BRSK1: variants seen among roughly 807,000 people sequenced by gnomAD.
BRSK1 encodes serine/threonine-protein kinase BRSK1.
In BRSK1, 17 loss-of-function variants were observed where a neutral mutation model predicts 86.2. The ratio of observed to expected loss-of-function variants is 0.20; its 90% CI spans 0.14 to 0.30. BRSK1 has a LOEUF of 0.30. BRSK1 is among the 10% of genes least tolerant of loss of function. The probability of loss-of-function intolerance (pLI) is 1.00; values close to 1 mark genes in which losing one functional copy is unlikely to be tolerated. For missense variants in BRSK1, 719 were observed against 1,071.9 expected, an observed-to-expected ratio of 0.67 and a Z score of 4.60; for synonymous variants, 464 against 440.1, an observed-to-expected ratio of 1.05 and a Z score of -0.68.
chr19:55,305,603 C>G lies in BRSK1; in HGVS notation c.1890+17C>G. On this transcript the variant is annotated intron_variant, in intron 16 of 18. Transcript: ENST00000309383. Reference sequence around the variant, plus strand: ...TTTCTGTCGGTGAGGGGCCTGGGTCCCCATCGAGCCTGGCCCCCGCAGAAC... The same window carrying G: ...TTTCTGTCGGTGAGGGGCCTGGGTCGCCATCGAGCCTGGCCCCCGCAGAAC... 10 of 1,613,724 alleles carry G rather than the reference C, an allele frequency of 6.2e-6. No individual in the cohort carries two copies. Among genetic ancestry groups the G allele is most frequent in the Non-Finnish European group, 8.5e-6 (10 of 1,180,016 alleles).
intron 7 of BRSK1, among the ~76,000 whole-genome samples, chr19:55,296,132 C>T (rs1338762987): frequency 1.3e-5 from 2 of 152,002 alleles, no homozygotes; most frequent in African/African-American, 2.4e-5. Context: ...GGAAGCTTCC[C>T]CTGCCCCCAC....
intron 7 of BRSK1, among the ~76,000 whole-genome samples, chr19:55,296,441 T>C (rs2088488166): frequency 6.6e-6 from 1 of 152,116 alleles, no homozygotes; most frequent in Non-Finnish European, 1.5e-5. Flanking sequence ...CTCACGCCAG[T>C]AATCCCAGCA....
Position 55,310,685 on chromosome 19 carries a change from CCCA to C in BRSK1, c.2180-1224_2180-1222del, listed in dbSNP as rs1415394642. ...CACCCTACAATTCACAGAACAGCCC[CCCA>C]CGACAGCTGGGTCCCAAATGGCAGT... On this transcript the variant is annotated intron_variant, in intron 18 of 18. Transcript: ENST00000309383. The surrounding 1 kb of genome is among the most constrained non-coding windows in gnomAD (Gnocchi z 5.0). Among the ~76,000 whole-genome samples the C allele has an allele frequency of 2.0e-5, 3 of 152,316 alleles. No individual in the cohort carries two copies. The East Asian group carries it at 5.8e-4, about 29-fold the overall frequency.
In BRSK1 at chr19:55,306,990, G is replaced by T. The variant is rs562038671; in HGVS notation, c.2089+540G>T. Among the ~76,000 whole-genome samples the T allele has an allele frequency of 1.3e-5, 2 of 152,350 alleles. No individual in the cohort carries two copies. The highest frequency in any genetic ancestry group is 4.1e-4 in the South Asian group (2 of 4,828). ...AGCTCAGTGGCAGCCTCAGGAACTT[G>T]AACTCCAGGCAGCCATGACCAGTCG... is the stretch of plus-strand genomic sequence containing the variant. On this transcript the variant is annotated intron_variant, in intron 17 of 18. Transcript: ENST00000309383. This position sits in a 1 kb window ranked among gnomAD's most constrained non-coding sequence, Gnocchi z 4.7.
chr19:55,290,756 C>G, intron 4 of BRSK1, among the ~76,000 whole-genome samples: 1 of 152,110 alleles, frequency 6.6e-6, no homozygotes, highest in African/African-American at 2.4e-5. Flanking sequence ...ATTCTCCTGC[C>G]TCAGCCTCCC....
intron 8 of BRSK1, 195 bp from the exon 9 acceptor site, chr19:55,301,942 G>T (rs563346150): frequency 1.2e-5 from 10 of 826,882 alleles, no homozygotes; most frequent in Non-Finnish European, 2.0e-5. Flanking sequence ...GGCCGGTCCG[G>T]GGTACACGGA....
chr19:55,287,410 A>C lies in BRSK1; in HGVS notation c.317+111A>C. 1 of 994,464 alleles carries C rather than the reference A, an allele frequency of 1.0e-6. No homozygotes were observed. The highest frequency in any genetic ancestry group is 2.1e-4 in the Middle Eastern group (1 of 4,778). The allele number at this position is 994,464 out of a possible 1,614,324, so 61.6% of individuals were successfully genotyped here. ...GGACCTGGGGGACCTGCAGCTCTCC[A>C]GGCTGGACCGCTGAAGGCCCAGTTC... On this transcript the variant is annotated intron_variant, in intron 3 of 18. Coordinates refer to ENST00000309383, the MANE Select transcript of BRSK1 (RefSeq NM_032430.2). This position sits in a 1 kb window ranked among gnomAD's most constrained non-coding sequence, Gnocchi z 5.3.
chr19:55,284,948 G>A (rs1173053280), intron 1 of BRSK1, among the ~76,000 whole-genome samples: 1 of 146,858 alleles, frequency 6.8e-6, no homozygotes, highest in Non-Finnish European at 1.5e-5. Context: ...TCCGGAGTCT[G>A]AGGGAGGAGA....
In BRSK1 at chr19:55,304,967, G is replaced by T. The variant is rs1234769643; in HGVS notation, c.1717+47G>T. The stretch of plus-strand genomic sequence containing the variant: ...AGTCCTAATGTGGGGAGAGGTTGGG[G>T]CTAAAAATCTGGTTCCAGGGATGTC... On this transcript the variant is annotated intron_variant, in intron 14 of 18. Coordinates refer to ENST00000309383, the MANE Select transcript of BRSK1 (RefSeq NM_032430.2). This position sits in a 1 kb window ranked among gnomAD's most constrained non-coding sequence, Gnocchi z 5.2. 9 of 1,592,440 alleles carry T rather than the reference G, an allele frequency of 5.7e-6. No individual in the cohort carries two copies. Among genetic ancestry groups the T allele is most frequent in the Non-Finnish European group, 7.6e-6 (9 of 1,176,632 alleles).
intron 4 of BRSK1, among the ~76,000 whole-genome samples, chr19:55,291,358 G>T (rs543118099): frequency 6.8e-6 from 1 of 147,366 alleles, no homozygotes; most frequent in East Asian, 1.9e-4. Context: ...GGGCAACAAA[G>T]TGAGATTCCC....
intron 7 of BRSK1, among the ~76,000 whole-genome samples, chr19:55,295,749 A>C (rs1372218533): frequency 2.0e-5 from 3 of 152,112 alleles, no homozygotes; most frequent in Non-Finnish European, 4.4e-5. Flanking sequence ...GAGGCAGATC[A>C]CCTGGGGCCA....
chr19:55,305,233 C>T, intron 14 of BRSK1, 88 bp from the exon 15 acceptor site: 3 of 1,537,326 alleles, frequency 2.0e-6, no homozygotes, highest in Non-Finnish European at 2.7e-6. Flanking sequence ...GGCTCTGGAA[C>T]CCTGGGAGGG....
At chr19:55,289,307 A>G (rs1319409243) in intron 3 of BRSK1, among the ~76,000 whole-genome samples, 173 bp from the exon 4 acceptor site, 1 of 151,946 alleles carries the variant, frequency 6.6e-6, no homozygotes, top group Non-Finnish European at 1.5e-5. Context: ...CCCAGGAATT[A>G]ATGGAAACTG....
intron 7 of BRSK1, among the ~76,000 whole-genome samples, chr19:55,297,017 A>AAAAT (rs376313794): frequency 0.12 from 18,025 of 152,006 alleles, 1,195 homozygotes; most frequent in Middle Eastern, 0.2. Context: ...CCTCGTCTCA[A>AAAAT]AAATAAATAA....
At chr19:55,298,201 T>C (rs1196660575) in intron 7 of BRSK1, among the ~76,000 whole-genome samples, 1 of 147,920 alleles carries the variant, frequency 6.8e-6, no homozygotes, top group African/African-American at 2.5e-5. Flanking sequence ...CTTTTTTTTT[T>C]GTTTCTTCTT....
Position 55,303,446 on chromosome 19 carries a change from T to C in BRSK1, c.1126+38T>C. 2 of 1,598,426 alleles carry C rather than the reference T, an allele frequency of 1.3e-6. No homozygotes were observed. On this transcript the variant is annotated intron_variant, in intron 11 of 18. Transcript: ENST00000309383. This position sits in a 1 kb window ranked among gnomAD's most constrained non-coding sequence, Gnocchi z 5.1. ...GGCTAGGGGACCAGACACCTGGGTC[T>C]CGAGATTGGAAGAGGCTGGCCACGG...
At chr19:55,308,549 CT>C in intron 17 of BRSK1, 89 bp from the exon 18 acceptor site, 1 of 894,872 alleles carries the variant, frequency 1.1e-6, no homozygotes, top group Non-Finnish European at 1.9e-6. Context: ...GTGTTGTGTG[CT>C]TGGTGGAGGG....
intron 16 of BRSK1, 142 bp downstream of exon 16, chr19:55,305,728 A>C: frequency 1.5e-6 from 2 of 1,317,082 alleles, no homozygotes; most frequent in Non-Finnish European, 1.0e-6. Context: ...AGTTGGTTAG[A>C]AGTCGGTAGG....
Position 55,302,953 on chromosome 19 carries a change from G to C in BRSK1, c.1028+86G>C. ...GCGCACATGCAGAGTGCTGGGCGAG[G>C]AACCCTGGCCTCTCATGGGGCATGG... On this transcript the variant is annotated intron_variant, in intron 10 of 18. Coordinates refer to ENST00000309383, the MANE Select transcript of BRSK1 (RefSeq NM_032430.2). This position sits in a 1 kb window ranked among gnomAD's most constrained non-coding sequence, Gnocchi z 6.3. 1 of 1,514,722 alleles carries C rather than the reference G, an allele frequency of 6.6e-7. No homozygotes were observed. The highest frequency in any genetic ancestry group is 1.4e-5 in the African/African-American group (1 of 72,332). 93.8% of individuals were successfully genotyped at this position (1,514,722 alleles called of 1,614,324 possible). A position where few individuals can be genotyped will look rare whatever the true frequency, so the allele number is the denominator to read the frequency against.
Sources: allele counts gnomAD v4.1 joint callset (sites outside exome capture counted in the v4.1 genomes callset), GRCh38; gene constraint gnomAD v4.1.1; non-coding constraint Gnocchi (gnomAD v3.1); transcripts MANE v1.5; gene names NCBI Gene and HGNC (gene_info 2026-07-23, HGNC 2026-07-21).